Variants in STPG2 observed in about 807,000 individuals in gnomAD.
The protein encoded by STPG2 is sperm-tail PG-rich repeat-containing protein 2.
In STPG2, 56 loss-of-function variants were observed where a neutral mutation model predicts 54.2. That is an observed-to-expected ratio of 1.03 (90% CI 0.83 to 1.29). The LOEUF (loss-of-function observed/expected upper bound fraction) is 1.29. STPG2 is among the 50% of genes most tolerant of loss of function. STPG2 has a pLI of 0.00. For missense variants in STPG2, 596 were observed against 544.9 expected (o/e 1.09, Z -0.93); for synonymous variants, 200 against 181.8 (o/e 1.10, Z -0.81).
chr4:97,472,790 T>G (rs1729969675), intron 4 of STPG2, among the ~76,000 whole-genome samples: 1 of 152,114 alleles, frequency 6.6e-6, no homozygotes, highest in Non-Finnish European at 1.5e-5. Flanking sequence ...CTGGAAAAGA[T>G]AAAACTATGG....
intron 10 of STPG2, among the ~76,000 whole-genome samples, chr4:97,566,662 GA>G (rs1439138247): frequency 6.6e-6 from 1 of 152,020 alleles, no homozygotes; most frequent in Non-Finnish European, 1.5e-5. Context: ...ACTGGATTAA[GA>G]AAATGTGGCA....
intron 10 of STPG2, among the ~76,000 whole-genome samples, chr4:97,597,318 CT>C (rs749209471): frequency 4.2e-4 from 64 of 151,910 alleles, no homozygotes; most frequent in Non-Finnish European, 7.8e-4. Flanking sequence ...CAGCCAAATC[CT>C]ACCAGATGTA....
chr4:98,000,403 C>A (rs1578769107), intron 5 of STPG2, among the ~76,000 whole-genome samples: 1 of 152,092 alleles, frequency 6.6e-6, no homozygotes, highest in Non-Finnish European at 1.5e-5. Flanking sequence ...GAAAATAGTT[C>A]TTTTATTTTA....
intron 4 of STPG2, among the ~76,000 whole-genome samples, chr4:97,534,787 C>T (rs1418929582): frequency 5.3e-5 from 8 of 152,120 alleles, no homozygotes; most frequent in Admixed American, 5.2e-4. Flanking sequence ...CCCTTCTGTA[C>T]ACATGCAGCC....
At position 97,713,434 on chromosome 4, in the gene STPG2, T is replaced by C. The variant is rs555843736; in HGVS notation, c.1205-620A>G. 1.1e-4 allele frequency among the ~76,000 whole-genome samples: 16 copies of C among 152,330 alleles called. No individual in the cohort carries two copies. The South Asian group carries it at 3.3e-3, about 32-fold the overall frequency. ...AGGTAAAGCCCAAGTTGAAAAGGTTTGAATTATTTTTATTCACAACATCTC... is the reference window on the plus strand; with the variant it reads ...AGGTAAAGCCCAAGTTGAAAAGGTTCGAATTATTTTTATTCACAACATCTC... On this transcript the variant is annotated intron_variant, in intron 9 of 10. Transcript: ENST00000295268.
chr4:98,059,089 A>G (rs963622803), intron 5 of STPG2, among the ~76,000 whole-genome samples: 4 of 152,020 alleles, frequency 2.6e-5, no homozygotes, highest in African/African-American at 4.8e-5. Context: ...TAAGATAGAT[A>G]GGCCGCTAGC....
intron 7 of STPG2, among the ~76,000 whole-genome samples, chr4:97,949,631 G>T (rs1301844271): frequency 1.3e-5 from 2 of 151,864 alleles, no homozygotes; most frequent in East Asian, 3.9e-4. Context: ...GCACTTATTT[G>T]TCTGAAAATG....
chr4:97,441,677 TC>T lies in STPG2; in HGVS notation c.463-253845del, dbSNP rs372752661. The T allele has an allele frequency of 8.7e-4, 132 of 152,180 alleles. 1 individual carries two copies. Among genetic ancestry groups the T allele is most frequent in the African/African-American group, 3.1e-3 (130 of 41,582 alleles). 9.4% of individuals were successfully genotyped at this position (152,180 alleles called of 1,614,324 possible). A position where few individuals can be genotyped will look rare whatever the true frequency, so the allele number is the denominator to read the frequency against. ...AAAATTTCACAAAATACTCTTTTTT[TC>T]TAACCAAATTAACTAAATCTCATTG... is the stretch of plus-strand genomic sequence containing the variant. On this transcript the variant is annotated intron_variant, in intron 4 of 4. Coordinates refer to the STPG2 transcript ENST00000522676.
chr4:97,536,337 G>A (rs1731530400), intron 4 of STPG2, among the ~76,000 whole-genome samples: 1 of 151,982 alleles, frequency 6.6e-6, no homozygotes, highest in Non-Finnish European at 1.5e-5. Flanking sequence ...GGACCATTGG[G>A]GCAGTTTTCC....
intron 4 of STPG2, among the ~76,000 whole-genome samples, chr4:97,528,783 T>C (rs1731346919): frequency 6.6e-6 from 1 of 152,226 alleles, no homozygotes; most frequent in African/African-American, 2.4e-5. Flanking sequence ...AGTTCACTCA[T>C]GATTTGGCTC....
intron 10 of STPG2, among the ~76,000 whole-genome samples, chr4:97,613,475 C>CGTGTGTGT (rs70953075): frequency 3.3e-4 from 47 of 142,342 alleles, no homozygotes; most frequent in African/African-American, 7.3e-4. Flanking sequence ...AGTCATCACC[C>CGTGTGTGT]GTGTGTGTGT....
In STPG2 at chr4:97,845,156, G is replaced by GTT. The variant is rs554407070; in HGVS notation, c.1045-4226_1045-4225dup. Among the ~76,000 whole-genome samples, 17 of 148,078 alleles carry GTT rather than the reference G, an allele frequency of 1.1e-4. No homozygotes were observed. The East Asian group carries it at 2.8e-3, about 24-fold the overall frequency. On this transcript the variant is annotated intron_variant, in intron 8 of 10. Coordinates refer to ENST00000295268, the MANE Select transcript of STPG2 (RefSeq NM_174952.3). ...TAGCTGATATTTACATATCTAATAA[G>GTT]TTTTTTTTTTGAAAAGTGGACATTT...
intron 8 of STPG2, among the ~76,000 whole-genome samples, chr4:97,895,709 T>C (rs1290757811): frequency 6.6e-6 from 1 of 151,824 alleles, no homozygotes; most frequent in Non-Finnish European, 1.5e-5. Flanking sequence ...AGATTTCTTC[T>C]GGTTGCATAA....
At position 97,928,634 on chromosome 4, in the gene STPG2, GT is replaced by G. The variant is rs1435022303; in HGVS notation, c.1044+15262del. ...TTTAAGGGATTTTTGTTGTGGGGTT[GT>G]TTTTGTTTTTATTTTGTTTGGGTTA... On this transcript the variant is annotated intron_variant, in intron 8 of 10. Transcript: ENST00000295268. 2.0e-5 allele frequency among the ~76,000 whole-genome samples: 3 copies of G among 151,966 alleles called. No individual in the cohort carries two copies. In the East Asian group the frequency reaches 5.8e-4, roughly 29 times the overall value.
At chr4:97,982,113 T>C (rs930324192) in intron 5 of STPG2, among the ~76,000 whole-genome samples, 6 of 152,036 alleles carry the variant, frequency 3.9e-5, no homozygotes, top group African/African-American at 7.2e-5. Flanking sequence ...CTCAATTTCC[T>C]GACCTTGTGA....
chr4:97,493,469 A>C (rs1258286680), intron 4 of STPG2, among the ~76,000 whole-genome samples: 3 of 151,380 alleles, frequency 2.0e-5, no homozygotes, highest in Non-Finnish European at 4.4e-5. Context: ...CTCAAGGAGA[A>C]TATTAGTGGA....
chr4:97,663,187 T>G (rs1443900458), intron 10 of STPG2, among the ~76,000 whole-genome samples: 1 of 152,162 alleles, frequency 6.6e-6, no homozygotes, highest in Non-Finnish European at 1.5e-5. Flanking sequence ...AAGTCCCAGC[T>G]TAATGCCCAA....
intron 4 of STPG2, among the ~76,000 whole-genome samples, chr4:97,551,958 T>TA (rs1469360652): frequency 1.3e-5 from 2 of 152,120 alleles, no homozygotes; most frequent in Non-Finnish European, 2.9e-5. Context: ...ACATGCTTTT[T>TA]AAAAAACACA....
chr4:97,467,334 T>C (rs1434104685), intron 4 of STPG2, among the ~76,000 whole-genome samples: 2 of 151,890 alleles, frequency 1.3e-5, no homozygotes, highest in South Asian at 4.1e-4. Context: ...GTAAAAAGCA[T>C]ATAAATTCTT....
Sources: gnomAD v4.1 joint callset for allele counts (sites outside exome capture counted in the v4.1 genomes callset) on GRCh38, gnomAD v4.1.1 for gene constraint, MANE v1.5 for transcripts, NCBI Gene and HGNC (gene_info 2026-07-23, HGNC 2026-07-21) for gene names.